MAP3K3: variants seen among roughly 807,000 people sequenced by gnomAD.
MAP3K3 encodes mitogen-activated protein kinase kinase kinase 3.
Under a neutral mutation model 80.9 loss-of-function variants are expected in MAP3K3, and 12 were observed. The observed-to-expected ratio is 0.15, with a 90% CI of 0.10 to 0.24. The LOEUF is 0.24. MAP3K3 is among the 10% of genes least tolerant of loss of function. MAP3K3 has a pLI of 1.00. For synonymous variants in MAP3K3, 272 were observed against 307.1 expected, an observed-to-expected ratio of 0.89 and a Z score of 1.19; for missense variants, 596 against 834.7, an observed-to-expected ratio of 0.71 and a Z score of 3.52.
chr17:63,660,565 A>ATTCTTCTTCTTC (rs113456141), intron 5 of MAP3K3, among the ~76,000 whole-genome samples: 14 of 144,298 alleles, frequency 9.7e-5, no homozygotes, highest in African/African-American at 3.1e-4. Flanking sequence ...TTCTCTTTGG[A>ATTCTTCTTCTTC]TTCTTCTTCT....
intron 4 of MAP3K3, among the ~76,000 whole-genome samples, chr17:63,653,992 A>G (rs1289045990): frequency 6.6e-6 from 1 of 152,026 alleles, no homozygotes; most frequent in African/African-American, 2.4e-5. Flanking sequence ...TCAGCCACCC[A>G]AGTAGCTGGG....
rs2034680489 is a variant in MAP3K3 at position 63,652,632 on chromosome 17, T to G, written c.243T>G (p.Leu81=). ...TGACAACAGTATTTGGACAACCTCT[T>G]GATCTACATTACATGAACAATGAGG... The part of the protein sequence containing the change: ...HKVTTVFGQP[L]DLHYMNNELS... The change falls in exon 4 of 16, where the codon CTT becomes CTG. Residue 81 remains leucine (L), a synonymous_variant. Coordinates refer to ENST00000361733, the MANE Select transcript of MAP3K3 (RefSeq NM_002401.5). 6.2e-7 allele frequency: 1 copy of G among 1,613,270 alleles called. No individual in the cohort carries two copies. The highest frequency in any genetic ancestry group is 1.7e-5 in the Admixed American group (1 of 59,996).
rs772456755 is a variant in MAP3K3 at position 63,694,072 on chromosome 17, G to A, written c.*295G>A. ...CAAGGCAGCCGTGGGCCCCACCCTCGGGGATGTGTCCTGACACTGCAATTG... is the reference window on the plus strand; with the variant it reads ...CAAGGCAGCCGTGGGCCCCACCCTCAGGGATGTGTCCTGACACTGCAATTG... On this transcript the variant is annotated 3_prime_UTR_variant, in exon 16 of 16. Transcript: ENST00000361733. 1.7e-4 allele frequency: 58 copies of A among 351,492 alleles called. No individual in the cohort carries two copies. The Middle Eastern group carries it at 2.2e-3, about 13-fold the overall frequency. 21.8% of individuals were successfully genotyped at this position (351,492 alleles called of 1,614,324 possible). A position where few individuals can be genotyped will look rare whatever the true frequency, so the allele number is the denominator to read the frequency against.
chr17:63,656,491 G>A (rs1229045579), intron 4 of MAP3K3, among the ~76,000 whole-genome samples: 1 of 151,454 alleles, frequency 6.6e-6, no homozygotes, highest in Non-Finnish European at 1.5e-5. Flanking sequence ...TGTAATCCCG[G>A]CTACTCTGGA....
chr17:63,690,464 CTG>C (rs2035562110), intron 12 of MAP3K3, 52 bp downstream of exon 12: 1 of 1,586,670 alleles, frequency 6.3e-7, no homozygotes. Flanking sequence ...ACAAAAATGC[CTG>C]TCTTACCACA....
Position 63,691,300 on chromosome 17 carries a change from C to CA in MAP3K3, c.1344+68dup. 6.2e-7 allele frequency: 1 copy of CA among 1,604,508 alleles called. No individual in the cohort carries two copies. Among genetic ancestry groups the CA allele is most frequent in the Non-Finnish European group, 8.5e-7 (1 of 1,174,124 alleles). ...GGCCTGACCTGGGGGCTGGGGCCTG[C>CA]AGGAGGGGGGTCACCTTGGATAGGA... On this transcript the variant is annotated intron_variant, in intron 13 of 15. Transcript: ENST00000361733. The surrounding 1 kb of genome is among the most constrained non-coding windows in gnomAD (Gnocchi z 4.8).
chr17:63,643,790 A>C (rs536924664), intron 2 of MAP3K3, among the ~76,000 whole-genome samples: 239 of 152,250 alleles, frequency 1.6e-3, no homozygotes, highest in South Asian at 0.011. Context: ...GAAGCTGGAG[A>C]CCACACATCA....
At chr17:63,678,261 AT>A (rs2035260244) in intron 6 of MAP3K3, among the ~76,000 whole-genome samples, 1 of 152,098 alleles carries the variant, frequency 6.6e-6, no homozygotes. Context: ...AGAAAAAAAA[AT>A]TGCCTTGACT....
chr17:63,642,795 C>A (rs1459180570), intron 2 of MAP3K3, among the ~76,000 whole-genome samples: 1 of 152,052 alleles, frequency 6.6e-6, no homozygotes, highest in Non-Finnish European at 1.5e-5. Flanking sequence ...CTTGTTCTAT[C>A]ACCCAGGCTG....
chr17:63,670,893 T>C (rs1398791343), intron 6 of MAP3K3, among the ~76,000 whole-genome samples: 1 of 152,154 alleles, frequency 6.6e-6, no homozygotes, highest in African/African-American at 2.4e-5. Flanking sequence ...GGACCCTGGT[T>C]AAGATTCTGA....
chr17:63,679,115 C>G (rs1200172981), intron 6 of MAP3K3, among the ~76,000 whole-genome samples: 2 of 151,678 alleles, frequency 1.3e-5, no homozygotes, highest in African/African-American at 4.8e-5. Context: ...AAAAGCAACC[C>G]TCTGGCCAGG....
In MAP3K3 at chr17:63,691,295, G is replaced by A; in HGVS notation, c.1344+62G>A. 3 of 1,608,028 alleles carry A rather than the reference G, an allele frequency of 1.9e-6. No homozygotes were observed. Among genetic ancestry groups the A allele is most frequent in the Middle Eastern group, 3.3e-4 (2 of 6,030 alleles). On this transcript the variant is annotated intron_variant, in intron 13 of 15. Transcript: ENST00000361733. This position sits in a 1 kb window ranked among gnomAD's most constrained non-coding sequence, Gnocchi z 4.8. ...AAGAGGGCCTGACCTGGGGGCTGGG[G>A]CCTGCAGGAGGGGGGTCACCTTGGA...
At chr17:63,681,947 C>T (rs1318746480) in intron 7 of MAP3K3, 48 bp downstream of exon 7, 2 of 1,323,798 alleles carry the variant, frequency 1.5e-6, no homozygotes, top group Admixed American at 3.0e-5. Flanking sequence ...ATCAGCAGAC[C>T]AAGCTCATAA....
intron 6 of MAP3K3, among the ~76,000 whole-genome samples, chr17:63,675,048 GT>G (rs1265473513): frequency 6.6e-6 from 1 of 151,904 alleles, no homozygotes; most frequent in African/African-American, 2.4e-5. Context: ...ATCTTCAAAG[GT>G]TTTTTTTCCC....
intron 2 of MAP3K3, among the ~76,000 whole-genome samples, chr17:63,635,179 C>G (rs1348516527): frequency 2.0e-5 from 3 of 152,194 alleles, no homozygotes; most frequent in African/African-American, 7.2e-5. Context: ...GACAGCATGA[C>G]TTTATGCACT....
At position 63,694,658 on chromosome 17, in the gene MAP3K3, ACTGGAGCAGAAGGGG is replaced by A. The variant is rs990198767; in HGVS notation, c.*882_*896del. 1 of 152,650 alleles carries A rather than the reference ACTGGAGCAGAAGGGG, an allele frequency of 6.6e-6. No homozygotes were observed. The highest frequency in any genetic ancestry group is 2.4e-5 in the African/African-American group (1 of 41,438). 9.5% of individuals were successfully genotyped at this position (152,650 alleles called of 1,614,324 possible). A position where few individuals can be genotyped will look rare whatever the true frequency, so the allele number is the denominator to read the frequency against. Reference sequence around the variant, plus strand: ...GCTCCTGGCCCAGCCTTTGTTCCCCACTGGAGCAGAAGGGGAGATGGACGACACGGTCGGGGCATC... The same window carrying A: ...GCTCCTGGCCCAGCCTTTGTTCCCCAAGATGGACGACACGGTCGGGGCATC... On this transcript the variant is annotated 3_prime_UTR_variant, in exon 16 of 16. Coordinates refer to ENST00000361733, the MANE Select transcript of MAP3K3 (RefSeq NM_002401.5).
chr17:63,649,263 C>T (rs1009437057), intron 3 of MAP3K3, among the ~76,000 whole-genome samples: 5 of 151,974 alleles, frequency 3.3e-5, no homozygotes, highest in Admixed American at 2.0e-4. Context: ...ATGGTGAAAC[C>T]CTGTCTCTAC....
At chr17:63,679,153 C>T (rs1292261382) in intron 6 of MAP3K3, among the ~76,000 whole-genome samples, 1 of 152,214 alleles carries the variant, frequency 6.6e-6, no homozygotes, top group African/African-American at 2.4e-5. Context: ...TTAATCCCAG[C>T]ACTTTGGGAG....
chr17:63,634,868 C>T, intron 2 of MAP3K3: 1 of 1,328,902 alleles, frequency 7.5e-7, no homozygotes, highest in Non-Finnish European at 1.1e-6. Flanking sequence ...GCTGCAACAG[C>T]AGAATTCACT....
Sources: allele counts gnomAD v4.1 joint callset (sites outside exome capture counted in the v4.1 genomes callset), GRCh38; gene constraint gnomAD v4.1.1; non-coding constraint Gnocchi (gnomAD v3.1); transcripts MANE v1.5; gene names NCBI Gene and HGNC (gene_info 2026-07-23, HGNC 2026-07-21).